BBS2: variants seen among roughly 807,000 people sequenced by gnomAD.
BBS2 encodes Bardet-Biedl syndrome 2.
Under a neutral mutation model 83.0 loss-of-function variants are expected in BBS2, and 62 were observed. That is an observed-to-expected ratio of 0.75 (90% CI 0.61 to 0.92). The LOEUF (loss-of-function observed/expected upper bound fraction) is 0.92, where lower values mean the gene tolerates loss of function less well. Among genes scored for constraint, BBS2 ranks in the 40% least tolerant of loss-of-function variants. The pLI is 0.00. For synonymous variants in BBS2, 303 were observed against 326.1 expected (o/e 0.93, Z 0.76); for missense variants, 784 against 901.0 (o/e 0.87, Z 1.66).
chr16:56,499,981 T>TAA (rs1200126171), intron 11 of BBS2, 74 bp from the exon 12 acceptor site: 1 of 1,572,520 alleles, frequency 6.4e-7, no homozygotes, highest in East Asian at 2.3e-5. Context: ...GCCCAGAAAA[T>TAA]AAAGCCACTT....
At chr16:56,512,740 T>G (rs1333313394) in intron 2 of BBS2, among the ~76,000 whole-genome samples, 1 of 152,206 alleles carries the variant, frequency 6.6e-6, no homozygotes, top group African/African-American at 2.4e-5. Flanking sequence ...TCTGAGGTGA[T>G]GAAAATGTTC....
chr16:56,491,341 A>G (rs1429119588), intron 15 of BBS2, among the ~76,000 whole-genome samples: 2 of 152,180 alleles, frequency 1.3e-5, no homozygotes, highest in Non-Finnish European at 2.9e-5. Flanking sequence ...TCGCTCATGC[A>G]GGAATGAAGT....
At chr16:56,501,614 T>A in intron 9 of BBS2, 117 bp from the exon 10 acceptor site, 3 of 1,292,236 alleles carry the variant, frequency 2.3e-6, no homozygotes, top group Non-Finnish European at 3.3e-6. Context: ...TTATTATTAT[T>A]ATAGTAATCT....
chr16:56,497,589 TA>T (rs1964149950), intron 14 of BBS2, 153 bp downstream of exon 14: 2 of 960,726 alleles, frequency 2.1e-6, no homozygotes, highest in Non-Finnish European at 3.2e-6. Flanking sequence ...CCTTAAGTAG[TA>T]AACTCTCCAA....
intron 5 of BBS2, among the ~76,000 whole-genome samples, chr16:56,507,499 G>T (rs1409648811): frequency 1.3e-5 from 2 of 152,038 alleles, no homozygotes; most frequent in African/African-American, 2.4e-5. Flanking sequence ...AAGGAGAAAA[G>T]ATTTACCACA....
chr16:56,502,638 G>C, intron 8 of BBS2, 35 bp downstream of exon 8: 3 of 1,613,944 alleles, frequency 1.9e-6, no homozygotes, highest in African/African-American at 2.7e-5. Context: ...AATGGAAAAC[G>C]TGACTTTTTA....
At chr16:56,508,184 A>G (rs1964475267) in intron 5 of BBS2, among the ~76,000 whole-genome samples, 1 of 152,216 alleles carries the variant, frequency 6.6e-6, no homozygotes, top group Non-Finnish European at 1.5e-5. Flanking sequence ...GTAGCACTGT[A>G]TGTCAATGTG....
chr16:56,483,535 TACATAATA>T (rs1963695545), downstream of BBS2, among the ~76,000 whole-genome samples: 1 of 152,172 alleles, frequency 6.6e-6, no homozygotes, highest in Non-Finnish European at 1.5e-5. Context: ...GAGAAATCCT[TACATAATA>T]AATGAAAAAT....
intron 15 of BBS2, among the ~76,000 whole-genome samples, chr16:56,491,251 G>C (rs1027295209): frequency 3.3e-5 from 5 of 152,288 alleles, no homozygotes; most frequent in South Asian, 2.1e-4. Context: ...GGTGGGCCTA[G>C]TAGGGAGTGT....
At chr16:56,496,238 G>C (rs1341852369) in intron 15 of BBS2, among the ~76,000 whole-genome samples, 1 of 151,896 alleles carries the variant, frequency 6.6e-6, no homozygotes, top group African/African-American at 2.4e-5. Context: ...TGGCATCCTA[G>C]CAAGCACCAA....
At chr16:56,502,202 G>T in intron 9 of BBS2, 115 bp downstream of exon 9, 2 of 1,413,996 alleles carry the variant, frequency 1.4e-6, no homozygotes, top group Non-Finnish European at 1.0e-6. Flanking sequence ...TCTGACAATG[G>T]CAAAAAGGCC....
chr16:56,506,193 C>A lies in BBS2; in HGVS notation c.644G>T (p.Ser215Ile). 1 of 1,614,030 alleles carries A rather than the reference C, an allele frequency of 6.2e-7. No individual in the cohort carries two copies. Among genetic ancestry groups the A allele is most frequent in the Non-Finnish European group, 8.5e-7 (1 of 1,179,942 alleles). Residue 215 changes from serine to isoleucine, a missense_variant, in exon 6 of 17, where the codon AGT becomes ATT. Transcript: ENST00000245157. Reference protein sequence around the residue: ...IVTSLCPMYGSRFGYALSNGT... With the variant: ...IVTSLCPMYGIRFGYALSNGT... ...ATTGGAAAGGGCATAACCAAATCGA[C>A]TGCCATACATGGGACAAAGAGAGGT...
chr16:56,497,911 A>T, intron 13 of BBS2, 31 bp from the exon 14 acceptor site: 1 of 1,603,294 alleles, frequency 6.2e-7, no homozygotes, highest in Non-Finnish European at 8.5e-7. Flanking sequence ...CAAGTTTAGC[A>T]TCCTCAGATG....
At chr16:56,516,408 GT>G (rs1305190763) in intron 1 of BBS2, among the ~76,000 whole-genome samples, 1 of 152,104 alleles carries the variant, frequency 6.6e-6, no homozygotes, top group Non-Finnish European at 1.5e-5. Flanking sequence ...TTATTTATAT[GT>G]TTTTTGAGAC....
At chr16:56,498,362 T>C (rs1964169939) in intron 13 of BBS2, 75 bp downstream of exon 13, 2 of 1,564,876 alleles carry the variant, frequency 1.3e-6, no homozygotes, top group South Asian at 1.1e-5. Context: ...TCTATGCCCC[T>C]CTCATTCCAT....
Position 56,519,875 on chromosome 16 carries a change from T to A in BBS2, c.-13A>T. On this transcript the variant is annotated 5_prime_UTR_variant, in exon 1 of 17. The change creates a new upstream start codon in the 5' untranslated region. Transcript: ENST00000245157. ...CAGGCAGCAGCATGATGGCGGCGGC[T>A]TAGGGGAGGAGGGCTGGAAGCTGGA... 1 of 1,606,562 alleles carries A rather than the reference T, an allele frequency of 6.2e-7. No homozygotes were observed. The highest frequency in any genetic ancestry group is 2.2e-5 in the East Asian group (1 of 44,820).
intron 7 of BBS2, among the ~76,000 whole-genome samples, chr16:56,503,147 G>A (rs1296609045): frequency 6.6e-6 from 1 of 152,190 alleles, no homozygotes; most frequent in African/African-American, 2.4e-5. Context: ...AAACCGCTCA[G>A]GTTCAGAATC....
intron 17 of BBS2, chr16:56,475,504 A>G (rs1227339021): frequency 1.2e-6 from 2 of 1,613,892 alleles, no homozygotes; most frequent in Non-Finnish European, 1.7e-6. Context: ...TTTCTCTTGT[A>G]AGGCTGGGAG....
chr16:56,514,447 A>C lies in BBS2; in HGVS notation c.345+6T>G. ...ACAATTTTATGGTTATAAAGGTTAT[A>C]CTTGCCTCTCTGTAGAACAAATCCG... On this transcript the variant is annotated splice_donor_region_variant and intron_variant, in intron 2 of 16. Coordinates refer to ENST00000245157, the MANE Select transcript of BBS2 (RefSeq NM_031885.5). 1 of 1,611,234 alleles carries C rather than the reference A, an allele frequency of 6.2e-7. No individual in the cohort carries two copies. Among genetic ancestry groups the C allele is most frequent in the East Asian group, 2.2e-5 (1 of 44,866 alleles).
Sources: gnomAD v4.1 joint callset for allele counts (sites outside exome capture counted in the v4.1 genomes callset) on GRCh38, gnomAD v4.1.1 for gene constraint, MANE v1.5 for transcripts, NCBI Gene and HGNC (gene_info 2026-07-23, HGNC 2026-07-21) for gene names.